MAML3: variants seen among roughly 807,000 people sequenced by gnomAD.
MAML3 encodes the protein mastermind-like protein 3.
MAML3 carries 27 observed loss-of-function variants against 101.9 expected under a neutral mutation model. The ratio of observed to expected loss-of-function variants is 0.27; its 90% CI spans 0.20 to 0.37. MAML3 has a LOEUF of 0.37. MAML3 is among the 10% of genes least tolerant of loss of function. The pLI is 1.00. For missense variants in MAML3, 1,316 were observed against 1,444.9 expected (o/e 0.91, Z 1.45); for synonymous variants, 501 against 555.9 (o/e 0.90, Z 1.39).
intron 1 of MAML3, among the ~76,000 whole-genome samples, chr4:139,893,497 G>A (rs547124374): frequency 7.2e-5 from 11 of 152,272 alleles, no homozygotes; most frequent in Non-Finnish European, 1.5e-4. Context: ...TACTGTGTAA[G>A]CACCACAGGC....
chr4:139,807,378 A>G (rs1730720262), intron 2 of MAML3, among the ~76,000 whole-genome samples: 1 of 152,174 alleles, frequency 6.6e-6, no homozygotes, highest in Non-Finnish European at 1.5e-5. Context: ...CATACCTGAA[A>G]GCCTCGATTC....
intron 2 of MAML3, among the ~76,000 whole-genome samples, chr4:139,845,411 A>C (rs1362044288): frequency 1.3e-5 from 2 of 152,268 alleles, no homozygotes; most frequent in African/African-American, 2.4e-5. Context: ...TGGCAGAGAC[A>C]CATAGGTAGA....
chr4:139,729,200 C>T (rs1287010565), intron 3 of MAML3, among the ~76,000 whole-genome samples: 1 of 147,436 alleles, frequency 6.8e-6, no homozygotes. Flanking sequence ...GTGAACTGTG[C>T]TCAGCAGTAC....
At position 139,735,377 on chromosome 4, in the gene MAML3, G is replaced by A. The variant is rs886796578; in HGVS notation, c.2080-4710C>T. On this transcript the variant is annotated intron_variant, in intron 2 of 4. Transcript: ENST00000509479. This position sits in a 1 kb window ranked among gnomAD's most constrained non-coding sequence, Gnocchi z 5.8. ...TACCGACTTTTCTTCCAGCCGGAGGGGAGGAAGAATTCAAGTGGGGGAGGG... is the reference window on the plus strand; with the variant it reads ...TACCGACTTTTCTTCCAGCCGGAGGAGAGGAAGAATTCAAGTGGGGGAGGG... 6.6e-6 allele frequency among the ~76,000 whole-genome samples: 1 copy of A among 152,106 alleles called. No homozygotes were observed. Among genetic ancestry groups the A allele is most frequent in the South Asian group, 2.1e-4 (1 of 4,824 alleles).
intron 2 of MAML3, among the ~76,000 whole-genome samples, chr4:139,818,398 G>C (rs1322450993): frequency 6.6e-6 from 1 of 152,226 alleles, no homozygotes; most frequent in African/African-American, 2.4e-5. Context: ...TCTGTCCCCA[G>C]TGTTTACTAA....
chr4:139,852,369 T>C (rs1269376960), intron 2 of MAML3, among the ~76,000 whole-genome samples: 1 of 150,974 alleles, frequency 6.6e-6, no homozygotes, highest in East Asian at 1.9e-4. Context: ...GGTAACTTTC[T>C]GTATTTCCAA....
chr4:140,133,143 C>T (rs922934179), intron 1 of MAML3: 30 of 420,650 alleles, frequency 7.1e-5, no homozygotes, highest in Non-Finnish European at 1.3e-4. Flanking sequence ...CAGTGTTTGA[C>T]TAGGTTTAAA....
At chr4:139,805,171 C>A (rs879540470) in intron 2 of MAML3, among the ~76,000 whole-genome samples, 1 of 151,912 alleles carries the variant, frequency 6.6e-6, no homozygotes, top group Non-Finnish European at 1.5e-5. Context: ...GCAACAAGAG[C>A]GAAAATCCGT....
At chr4:139,916,247 G>A (rs963293507) in intron 1 of MAML3, among the ~76,000 whole-genome samples, 2 of 152,156 alleles carry the variant, frequency 1.3e-5, no homozygotes, top group Admixed American at 1.3e-4. Context: ...AAAAAGGAAG[G>A]CATCCTCAGA....
intron 1 of MAML3, among the ~76,000 whole-genome samples, chr4:140,023,212 T>C (rs1394233245): frequency 6.6e-6 from 1 of 152,196 alleles, no homozygotes; most frequent in Non-Finnish European, 1.5e-5. Flanking sequence ...TCCTATCTTA[T>C]TTTCCTGTGT....
At chr4:139,775,055 A>G (rs1336607511) in intron 2 of MAML3, among the ~76,000 whole-genome samples, 2 of 152,196 alleles carry the variant, frequency 1.3e-5, no homozygotes, top group South Asian at 4.1e-4. Context: ...AATAAGAGGA[A>G]AAGTCACCAT....
At chr4:139,845,424 T>C (rs577324105) in intron 2 of MAML3, among the ~76,000 whole-genome samples, 16 of 152,304 alleles carry the variant, frequency 1.1e-4, no homozygotes, top group South Asian at 6.2e-4. Flanking sequence ...TAGGTAGAAA[T>C]TGAAGTTAGA....
intron 1 of MAML3, among the ~76,000 whole-genome samples, chr4:140,043,576 A>C (rs1398712712): frequency 2.6e-5 from 4 of 151,956 alleles, no homozygotes; most frequent in African/African-American, 7.3e-5. Flanking sequence ...CTGAGCTACT[A>C]AAGAATTTAA....
chr4:139,980,581 G>T (rs1304379748), intron 1 of MAML3, among the ~76,000 whole-genome samples: 1 of 152,136 alleles, frequency 6.6e-6, no homozygotes, highest in Non-Finnish European at 1.5e-5. Context: ...ACTCATAAAG[G>T]TGCTTTTAGT....
At chr4:139,975,350 A>G (rs961531378) in intron 1 of MAML3, among the ~76,000 whole-genome samples, 3 of 152,094 alleles carry the variant, frequency 2.0e-5, no homozygotes, top group Non-Finnish European at 2.9e-5. Context: ...AATTGCTCAA[A>G]TGTCACTTTT....
At chr4:139,885,932 C>CAAAAAAAAAAAAAAA (rs1182443191) in intron 2 of MAML3, among the ~76,000 whole-genome samples, 1 of 20,300 alleles carries the variant, frequency 4.9e-5, no homozygotes, top group Non-Finnish European at 9.6e-5. Flanking sequence ...GACTCCGTCT[C>CAAAAAAAAAAAAAAA]AAAAAAAAAA....
chr4:139,951,734 C>CTT (rs71584344), intron 1 of MAML3, among the ~76,000 whole-genome samples: 31 of 142,904 alleles, frequency 2.2e-4, no homozygotes, highest in African/African-American at 5.4e-4. Context: ...TGTTTTTGTT[C>CTT]TTTTTTTTTT....
intron 1 of MAML3, among the ~76,000 whole-genome samples, chr4:139,996,686 C>CGTGTGTGTGTGTGTGT (rs1553968137): frequency 3.3e-5 from 5 of 150,906 alleles, no homozygotes; most frequent in African/African-American, 1.2e-4. Context: ...ATAGTTGTAT[C>CGTGTGTGTGTGTGTGT]GTGTGTGTGT....
Position 140,065,879 on chromosome 4 carries a change from C to T in MAML3, c.468+86981G>A, listed in dbSNP as rs141997198. Among the ~76,000 whole-genome samples the T allele has an allele frequency of 2.5e-3, 374 of 152,314 alleles. 4 individuals carry two copies. The highest frequency in any genetic ancestry group is 8.5e-3 in the African/African-American group (353 of 41,574). The stretch of plus-strand genomic sequence containing the variant: ...GGAAGGTCCATAAGGAAACATACCA[C>T]AGCACCGCTCCTGGCATGAAGAGGC... On this transcript the variant is annotated intron_variant, in intron 1 of 4. Transcript: ENST00000509479.
Sources: allele counts gnomAD v4.1 joint callset (sites outside exome capture counted in the v4.1 genomes callset), GRCh38; gene constraint gnomAD v4.1.1; non-coding constraint Gnocchi (gnomAD v3.1); transcripts MANE v1.5; gene names NCBI Gene and HGNC (gene_info 2026-07-23, HGNC 2026-07-21).